Variants in SLCO3A1 observed in about 807,000 individuals in gnomAD.
SLCO3A1 encodes PGE1 transporter.
In SLCO3A1, 27 loss-of-function variants were observed where a neutral mutation model predicts 63.1. The ratio of observed to expected loss-of-function variants is 0.43; its 90% CI spans 0.32 to 0.59. SLCO3A1 has a LOEUF of 0.59. Among genes scored for constraint, SLCO3A1 ranks in the 20% least tolerant of loss-of-function variants. The pLI, the probability that SLCO3A1 is intolerant of heterozygous loss-of-function variation, is 0.09. For synonymous variants in SLCO3A1, 473 were observed against 409.9 expected, an observed-to-expected ratio of 1.15 and a Z score of -1.86; for missense variants, 773 against 945.8, an observed-to-expected ratio of 0.82 and a Z score of 2.40.
rs1249447007 is a variant in SLCO3A1, at chr15:92,165,609, AG to A, written c.*2477del. The A allele has an allele frequency of 1.4e-5, 14 of 985,272 alleles. No individual in the cohort carries two copies. Among genetic ancestry groups the A allele is most frequent in the Non-Finnish European group, 1.7e-5 (14 of 829,864 alleles). 61.0% of individuals were successfully genotyped at this position (985,272 alleles called of 1,614,324 possible). ...GTTAGAATAACAGGAAGACAACTCCAGGGCTGAGTTTTATCAGCAATTGGGT... is the reference window on the plus strand; with the variant it reads ...GTTAGAATAACAGGAAGACAACTCCAGGCTGAGTTTTATCAGCAATTGGGT... On this transcript the variant is annotated 3_prime_UTR_variant, in exon 10 of 10. Coordinates refer to ENST00000318445, the MANE Select transcript of SLCO3A1 (RefSeq NM_013272.4).
In SLCO3A1 at chr15:92,160,591, G is replaced by A. The variant is rs2238343; in HGVS notation, c.1754-2165G>A. On this transcript the variant is annotated intron_variant, in intron 9 of 9. Coordinates refer to ENST00000318445, the MANE Select transcript of SLCO3A1 (RefSeq NM_013272.4). ...GAGCTTGGAGCTTATTTATTAAATC[G>A]AGCTGCTTGGGAAGTTTAATGAGAT... Among the ~76,000 whole-genome samples the A allele has an allele frequency of 3.3e-5, 5 of 152,230 alleles. No individual in the cohort carries two copies. The East Asian group carries it at 7.8e-4, about 24-fold the overall frequency.
chr15:92,040,559 C>T (rs1468337570), intron 2 of SLCO3A1, among the ~76,000 whole-genome samples: 2 of 152,246 alleles, frequency 1.3e-5, no homozygotes, highest in East Asian at 1.9e-4. Flanking sequence ...ACTATAAATC[C>T]ATCCACATTC....
At chr15:92,038,452 C>G (rs2046754468) in intron 2 of SLCO3A1, among the ~76,000 whole-genome samples, 2 of 152,018 alleles carry the variant, frequency 1.3e-5, no homozygotes, top group Admixed American at 1.3e-4. Context: ...ATCCTATACG[C>G]CAACAATAGA....
chr15:91,890,372 A>G (rs1167481398), intron 1 of SLCO3A1, among the ~76,000 whole-genome samples: 1 of 152,108 alleles, frequency 6.6e-6, no homozygotes, highest in East Asian at 1.9e-4. Flanking sequence ...CTATGTGCTC[A>G]GCTTGCAGGA....
In SLCO3A1 at chr15:91,913,358, G is replaced by A. The variant is rs76351712; in HGVS notation, c.181-2635G>A. On this transcript the variant is annotated intron_variant, in intron 1 of 9. Transcript: ENST00000318445. ...TAATGGGTGTCATGGCCTTAGCCCC[G>A]CGCTGCTCACTGCCATTAGAATCAC... Among the ~76,000 whole-genome samples the A allele has an allele frequency of 3.4e-3, 514 of 152,314 alleles. 6 individuals carry two copies. Among genetic ancestry groups the A allele is most frequent in the African/African-American group, 0.012 (486 of 41,570 alleles).
At chr15:91,998,246 G>A (rs2151450365) in intron 2 of SLCO3A1, among the ~76,000 whole-genome samples, 1 of 152,246 alleles carries the variant, frequency 6.6e-6, no homozygotes, top group Admixed American at 6.5e-5. Context: ...CTGAGGTCAG[G>A]GGTTCGAGAC....
At chr15:92,100,282 T>G (rs575247217) in intron 3 of SLCO3A1, among the ~76,000 whole-genome samples, 1 of 152,338 alleles carries the variant, frequency 6.6e-6, no homozygotes, top group South Asian at 2.1e-4. Flanking sequence ...AAATGGCATC[T>G]GTTCTCATCA....
chr15:91,953,235 T>C (rs1171696038), intron 2 of SLCO3A1, among the ~76,000 whole-genome samples: 1 of 152,230 alleles, frequency 6.6e-6, no homozygotes, highest in Non-Finnish European at 1.5e-5. Context: ...ACTCGCTCAT[T>C]CGCTCACTCG....
intron 2 of SLCO3A1, among the ~76,000 whole-genome samples, chr15:92,032,938 G>C (rs142953168): frequency 6.7e-6 from 1 of 149,282 alleles, no homozygotes; most frequent in Non-Finnish European, 1.5e-5. Flanking sequence ...CGGGGCGGGC[G>C]GGGTGAGAGA....
intron 5 of SLCO3A1, among the ~76,000 whole-genome samples, chr15:92,121,867 G>A (rs1006577891): frequency 1.3e-5 from 2 of 152,208 alleles, no homozygotes; most frequent in East Asian, 1.9e-4. Context: ...GGGCCCAAAT[G>A]TCTCTGTTGG....
intron 9 of SLCO3A1, among the ~76,000 whole-genome samples, chr15:92,160,318 G>A (rs113400123): frequency 2.1e-3 from 321 of 152,092 alleles, no homozygotes; most frequent in African/African-American, 7.5e-3. Flanking sequence ...TAAATAACGT[G>A]GTGTGTGGCT....
At position 92,104,339 on chromosome 15, in the gene SLCO3A1, T is replaced by C; in HGVS notation, c.806T>C (p.Leu269Pro). 1 of 1,614,226 alleles carries C rather than the reference T, an allele frequency of 6.2e-7. No individual in the cohort carries two copies. Among genetic ancestry groups the C allele is most frequent in the Non-Finnish European group, 8.5e-7 (1 of 1,180,038 alleles). Residue 269 changes from leucine to proline, a missense_variant, in exon 4 of 10, where the codon CTG (leucine) becomes CCG (proline). Leu to Pro is a moderately conservative substitution (Grantham distance 98). Transcript: ENST00000318445. ...ATCGGAGCCTGGTGGGGTGGCTTTCTGCTCTGCGGTGCCTTACTCTTCTTC... is the reference window on the plus strand; with the variant it reads ...ATCGGAGCCTGGTGGGGTGGCTTTCCGCTCTGCGGTGCCTTACTCTTCTTC... Reference protein sequence around the residue: ...RWIGAWWGGFLLCGALLFFSS... With the variant: ...RWIGAWWGGFPLCGALLFFSS...
chr15:92,022,545 C>T (rs375412985), intron 2 of SLCO3A1, among the ~76,000 whole-genome samples: 14 of 152,274 alleles, frequency 9.2e-5, no homozygotes, highest in East Asian at 3.9e-4. Flanking sequence ...TATTACAAAA[C>T]GCTCGTGAGA....
rs1329476012 is a variant in SLCO3A1 at position 91,968,929 on chromosome 15, G to A, written c.646+52471G>A. On this transcript the variant is annotated intron_variant, in intron 2 of 9. Transcript: ENST00000318445. This position sits in a 1 kb window ranked among gnomAD's most constrained non-coding sequence, Gnocchi z 4.2. ...GCAAACTCGTGTTGCTCCATGTAGA[G>A]TCAGCTCAGAGGTCCCTTCCTCTCA... Among the ~76,000 whole-genome samples the A allele has an allele frequency of 6.6e-6, 1 of 152,156 alleles. No individual in the cohort carries two copies. Among genetic ancestry groups the A allele is most frequent in the African/African-American group, 2.4e-5 (1 of 41,438 alleles).
At chr15:91,896,550 A>G (rs778884027) in intron 1 of SLCO3A1, among the ~76,000 whole-genome samples, 16 of 152,170 alleles carry the variant, frequency 1.1e-4, no homozygotes, top group Non-Finnish European at 2.2e-4. Flanking sequence ...TTCTCGTGAT[A>G]GTGAATAAGT....
intron 2 of SLCO3A1, among the ~76,000 whole-genome samples, chr15:92,003,691 G>A (rs2046281271): frequency 6.6e-6 from 1 of 152,194 alleles, no homozygotes; most frequent in Admixed American, 6.5e-5. Flanking sequence ...GGGATGAAGG[G>A]CTTTCGTGAG....
chr15:92,146,101 G>C (rs756375770), intron 7 of SLCO3A1, among the ~76,000 whole-genome samples: 1 of 152,150 alleles, frequency 6.6e-6, no homozygotes, highest in Non-Finnish European at 1.5e-5. Flanking sequence ...GAAAAGCAAT[G>C]AATCATTTAT....
chr15:91,865,895 ACAGT>A lies in SLCO3A1; in HGVS notation c.180+11809_180+11812del, dbSNP rs1377486431. 1.3e-5 allele frequency among the ~76,000 whole-genome samples: 2 copies of A among 152,224 alleles called. No homozygotes were observed. The highest frequency in any genetic ancestry group is 2.9e-5 in the Non-Finnish European group (2 of 68,038). ...GAAGAAAAGAGCAAAGGATCCTAAA[ACAGT>A]CTGTGTGTACAAAGAAAACAAAGGC... On this transcript the variant is annotated intron_variant, in intron 1 of 9. Coordinates refer to ENST00000318445, the MANE Select transcript of SLCO3A1 (RefSeq NM_013272.4). This position sits in a 1 kb window ranked among gnomAD's most constrained non-coding sequence, Gnocchi z 4.6.
chr15:92,113,250 G>C (rs983191727), intron 4 of SLCO3A1, among the ~76,000 whole-genome samples: 4 of 152,130 alleles, frequency 2.6e-5, no homozygotes, highest in Admixed American at 6.5e-5. Context: ...GCTGCAGCTT[G>C]CAGGAAGCTA....
Sources: gnomAD v4.1 joint callset for allele counts (sites outside exome capture counted in the v4.1 genomes callset) on GRCh38, gnomAD v4.1.1 for gene constraint, Gnocchi (gnomAD v3.1) non-coding constraint, MANE v1.5 for transcripts, NCBI Gene and HGNC (gene_info 2026-07-23, HGNC 2026-07-21) for gene names.